Variants in FGFR1 observed in about 807,000 individuals in gnomAD.
FGFR1 encodes fibroblast growth factor receptor 1, also known as FGFR1/PLAG1 fusion.
In FGFR1, 18 loss-of-function variants were observed where a neutral mutation model predicts 93.7. That is an observed-to-expected ratio of 0.19 (90% CI 0.13 to 0.28). The LOEUF (loss-of-function observed/expected upper bound fraction) is 0.28. FGFR1 is among the 10% of genes least tolerant of loss of function. The probability of loss-of-function intolerance (pLI) is 1.00; values close to 1 mark genes in which losing one functional copy is unlikely to be tolerated. For missense variants in FGFR1, 731 were observed against 1,080.4 expected, an observed-to-expected ratio of 0.68 and a Z score of 4.53; for synonymous variants, 448 against 429.3, an observed-to-expected ratio of 1.04 and a Z score of -0.54.
chr8:38,432,893 G>T, intron 2 of FGFR1, among the ~76,000 whole-genome samples: 1 of 141,082 alleles, frequency 7.1e-6, no homozygotes, highest in Non-Finnish European at 1.6e-5. Flanking sequence ...ACCAGGGGCT[G>T]TCCCTCCCCA....
Position 38,427,993 on chromosome 8 carries a change from G to A in FGFR1, c.549C>T (p.Thr183=), listed in dbSNP as rs886062920. The A allele has an allele frequency of 1.5e-5, 25 of 1,614,122 alleles. No individual in the cohort carries two copies. The highest frequency in any genetic ancestry group is 1.9e-5 in the Non-Finnish European group (23 of 1,180,052). ...TVKFKCPSSG[T]PNPTLRWLKN... ...TCAACCAGCGCAGTGTGGGGTTTGGGGTCCCACTGGAAGGGCATTTGAACT... is the reference window on the plus strand; with the variant it reads ...TCAACCAGCGCAGTGTGGGGTTTGGAGTCCCACTGGAAGGGCATTTGAACT... Residue 183 remains threonine, a synonymous_variant, in exon 5 of 18, where the codon ACC becomes ACT. Transcript: ENST00000447712.
intron 2 of FGFR1, among the ~76,000 whole-genome samples, chr8:38,438,308 G>T (rs1244719692): frequency 6.6e-6 from 1 of 152,134 alleles, no homozygotes; most frequent in Non-Finnish European, 1.5e-5. Context: ...TTGGGAGGCC[G>T]AAGTGGGTGG....
intron 2 of FGFR1, among the ~76,000 whole-genome samples, chr8:38,447,583 G>A (rs1829762591): frequency 6.6e-6 from 1 of 152,160 alleles, no homozygotes; most frequent in Admixed American, 6.5e-5. Flanking sequence ...CTGGGTTCAA[G>A]CTATTCTCCT....
chr8:38,426,358 G>C lies in FGFR1; in HGVS notation c.622-113C>G, dbSNP rs1820752338. Reference sequence around the variant, plus strand: ...TCCATATCAGAGCCTGGTGGCACAGGGCCCCAGGCTGCAGGGTTGGCTAGG... The same window carrying C: ...TCCATATCAGAGCCTGGTGGCACAGCGCCCCAGGCTGCAGGGTTGGCTAGG... On this transcript the variant is annotated intron_variant, in intron 5 of 17. Coordinates refer to ENST00000447712, the MANE Select transcript of FGFR1 (RefSeq NM_023110.3). This position sits in a 1 kb window ranked among gnomAD's most constrained non-coding sequence, Gnocchi z 4.1. 2 of 1,484,496 alleles carry C rather than the reference G, an allele frequency of 1.3e-6. No individual in the cohort carries two copies. The highest frequency in any genetic ancestry group is 2.3e-5 in the South Asian group (2 of 87,940). 92.0% of individuals were successfully genotyped at this position (1,484,496 alleles called of 1,614,324 possible).
intron 1 of FGFR1, among the ~76,000 whole-genome samples, chr8:38,462,461 G>A (rs1271560130): frequency 6.6e-6 from 1 of 151,536 alleles, no homozygotes; most frequent in Non-Finnish European, 1.5e-5. Flanking sequence ...CCGAGATTGC[G>A]CCACTGCACT....
At chr8:38,431,641 G>A (rs749398680) in intron 2 of FGFR1, among the ~76,000 whole-genome samples, 22 of 152,130 alleles carry the variant, frequency 1.4e-4, no homozygotes, top group Non-Finnish European at 2.2e-4. Flanking sequence ...GGGACTGACA[G>A]TGGTTTCTCT....
intron 8 of FGFR1, 110 bp from the exon 9 acceptor site, chr8:38,419,845 G>A: frequency 1.1e-6 from 1 of 895,730 alleles, no homozygotes; most frequent in Non-Finnish European, 1.8e-6. Flanking sequence ...AACTTTTAGG[G>A]AGAAGAACCA....
chr8:38,447,278 G>A (rs1026432318), intron 2 of FGFR1, among the ~76,000 whole-genome samples: 6 of 152,028 alleles, frequency 3.9e-5, no homozygotes, highest in African/African-American at 7.2e-5. Flanking sequence ...GAAAAATAGT[G>A]TAATACAATG....
chr8:38,425,761 T>C (rs1055122885), intron 6 of FGFR1, among the ~76,000 whole-genome samples: 77 of 152,208 alleles, frequency 5.1e-4, no homozygotes, highest in Non-Finnish European at 1.3e-4. Context: ...AGGTGTGCCA[T>C]GAGCATTACA....
rs1563516918 is a variant in FGFR1, at chr8:38,429,984, GGGCGAGAGA to G, written c.92-45_92-37del. 1 of 1,574,292 alleles carries G rather than the reference GGGCGAGAGA, an allele frequency of 6.4e-7. No individual in the cohort carries two copies. The stretch of plus-strand genomic sequence containing the variant: ...CACGGGGCCGGGAAGGGAAGCCAAG[GGGCGAGAGA>G]GGAAGACAGGGAGAGGGGAGGAGGG... On this transcript the variant is annotated intron_variant, in intron 2 of 17. Coordinates refer to ENST00000447712, the MANE Select transcript of FGFR1 (RefSeq NM_023110.3). This position sits in a 1 kb window ranked among gnomAD's most constrained non-coding sequence, Gnocchi z 4.4.
At chr8:38,418,447 C>G (rs1817560440) in intron 9 of FGFR1, 74 bp from the exon 10 acceptor site, 1 of 1,519,632 alleles carries the variant, frequency 6.6e-7, no homozygotes, top group Non-Finnish European at 9.0e-7. Context: ...TTAGTCAGGG[C>G]TTCCCAACAA....
At chr8:38,442,304 CTCG>C (rs1827761356) in intron 2 of FGFR1, among the ~76,000 whole-genome samples, 1 of 151,826 alleles carries the variant, frequency 6.6e-6, no homozygotes, top group South Asian at 2.1e-4. Flanking sequence ...CAAAGTCCAA[CTCG>C]TCATCACCTG....
In FGFR1 at chr8:38,426,746, A is replaced by G. The variant is rs1319894684; in HGVS notation, c.622-501T>C. 2.0e-5 allele frequency among the ~76,000 whole-genome samples: 3 copies of G among 152,166 alleles called. No individual in the cohort carries two copies. Among genetic ancestry groups the G allele is most frequent in the Non-Finnish European group, 4.4e-5 (3 of 68,036 alleles). On this transcript the variant is annotated intron_variant, in intron 5 of 17. Coordinates refer to ENST00000447712, the MANE Select transcript of FGFR1 (RefSeq NM_023110.3). This position sits in a 1 kb window ranked among gnomAD's most constrained non-coding sequence, Gnocchi z 4.1. ...CCTCCTATCAGACTGCAAAATTTTT[A>G]TGGGCAGGAACGCTATCTTGCAGCA...
intron 2 of FGFR1, among the ~76,000 whole-genome samples, chr8:38,453,371 C>T (rs1197395900): frequency 6.6e-6 from 1 of 152,238 alleles, no homozygotes; most frequent in Non-Finnish European, 1.5e-5. Flanking sequence ...AGGCAATGTC[C>T]TATGAGCTCT....
At chr8:38,434,066 TCCTC>T (rs1234959126) in intron 2 of FGFR1, among the ~76,000 whole-genome samples, 1 of 152,238 alleles carries the variant, frequency 6.6e-6, no homozygotes, top group Non-Finnish European at 1.5e-5. Context: ...TGTTCAAACT[TCCTC>T]CATGTTATAG....
At chr8:38,417,847 G>A (rs767433669) in intron 11 of FGFR1, 23 bp downstream of exon 11, 28 of 1,614,050 alleles carry the variant, frequency 1.7e-5, no homozygotes, top group Admixed American at 3.3e-5. Flanking sequence ...GATTTTCTTT[G>A]CAAGGACAGA....
chr8:38,429,654 G>GGGGCAA lies in FGFR1; in HGVS notation c.358+22_358+27dup. ...GGGCTGGAGGGGGTGGGTCTAGGGA[G>GGGGCAA]GGGCAAGGGCAGGGCTTGGCTACCA... On this transcript the variant is annotated intron_variant, in intron 3 of 17. Coordinates refer to ENST00000447712, the MANE Select transcript of FGFR1 (RefSeq NM_023110.3). The surrounding 1 kb of genome is among the most constrained non-coding windows in gnomAD (Gnocchi z 4.4). 6.4e-7 allele frequency: 1 copy of GGGGCAA among 1,556,242 alleles called. No individual in the cohort carries two copies. Among genetic ancestry groups the GGGGCAA allele is most frequent in the Non-Finnish European group, 8.7e-7 (1 of 1,149,336 alleles).
At chr8:38,453,360 C>T (rs1261330643) in intron 2 of FGFR1, among the ~76,000 whole-genome samples, 4 of 152,246 alleles carry the variant, frequency 2.6e-5, no homozygotes, top group African/African-American at 9.6e-5. Context: ...GCCTACGGAC[C>T]AGGCAATGTC....
chr8:38,437,202 T>C (rs1825755292), intron 2 of FGFR1, among the ~76,000 whole-genome samples: 1 of 152,110 alleles, frequency 6.6e-6, no homozygotes, highest in Non-Finnish European at 1.5e-5. Flanking sequence ...CCCAAACCCA[T>C]ACAAACCTTG....
Sources: allele counts gnomAD v4.1 joint callset (sites outside exome capture counted in the v4.1 genomes callset), GRCh38; gene constraint gnomAD v4.1.1; non-coding constraint Gnocchi (gnomAD v3.1); transcripts MANE v1.5; gene names NCBI Gene and HGNC (gene_info 2026-07-23, HGNC 2026-07-21).